CPNE8: variants seen among roughly 807,000 people sequenced by gnomAD.
CPNE8 encodes copine-8.
CPNE8 carries 45 observed loss-of-function variants against 81.5 expected under a neutral mutation model. That is an observed-to-expected ratio of 0.55 (90% confidence interval 0.44 to 0.71). The LOEUF (loss-of-function observed/expected upper bound fraction) is 0.71, where lower values mean the gene tolerates loss of function less well. CPNE8 is among the 30% of genes least tolerant of loss of function. The probability of loss-of-function intolerance (pLI) is 0.00; values close to 1 mark genes in which losing one functional copy is unlikely to be tolerated. For synonymous variants in CPNE8, 252 were observed against 226.3 expected, an observed-to-expected ratio of 1.11 and a Z score of -1.02; for missense variants, 594 against 672.1, an observed-to-expected ratio of 0.88 and a Z score of 1.28.
At chr12:38,858,635 C>T (rs1943782590) in intron 3 of CPNE8, among the ~76,000 whole-genome samples, 1 of 152,182 alleles carries the variant, frequency 6.6e-6, no homozygotes, top group Non-Finnish European at 1.5e-5. Flanking sequence ...GGTAAACTGA[C>T]ATGGCACATT....
At chr12:38,659,852 C>T (rs1365054434) in intron 19 of CPNE8, among the ~76,000 whole-genome samples, 2 of 152,162 alleles carry the variant, frequency 1.3e-5, no homozygotes, top group Non-Finnish European at 2.9e-5. Context: ...CATGAGTGAA[C>T]TCCCATTCAC....
chr12:38,863,976 T>G (rs1431007331), intron 3 of CPNE8, among the ~76,000 whole-genome samples: 1 of 149,102 alleles, frequency 6.7e-6, no homozygotes, highest in Non-Finnish European at 1.5e-5. Flanking sequence ...ATGGTGTGAA[T>G]CCGGGCGATG....
intron 6 of CPNE8, among the ~76,000 whole-genome samples, chr12:38,777,908 G>T (rs920138540): frequency 6.6e-6 from 1 of 152,110 alleles, no homozygotes; most frequent in African/African-American, 2.4e-5. Flanking sequence ...CAGATCAGCA[G>T]CAGCATTAGA....
intron 6 of CPNE8, among the ~76,000 whole-genome samples, chr12:38,795,080 G>A (rs977461986): frequency 2.6e-5 from 4 of 152,152 alleles, no homozygotes; most frequent in Non-Finnish European, 5.9e-5. Flanking sequence ...TATACCAATG[G>A]CTCTTGGGCC....
At chr12:38,840,053 T>A in intron 4 of CPNE8, 98 bp from the exon 5 acceptor site, 1 of 1,185,700 alleles carries the variant, frequency 8.4e-7, no homozygotes, top group Non-Finnish European at 1.1e-6. Context: ...TAAAAATGAA[T>A]CCAAAATAAT....
At chr12:38,895,128 G>A (rs1213463005) in intron 1 of CPNE8, among the ~76,000 whole-genome samples, 2 of 151,934 alleles carry the variant, frequency 1.3e-5, no homozygotes, top group African/African-American at 2.4e-5. Flanking sequence ...TAATTAGCAA[G>A]GTAAGAAAAA....
At chr12:38,692,781 C>G (rs1279182574) in intron 15 of CPNE8, among the ~76,000 whole-genome samples, 1 of 152,174 alleles carries the variant, frequency 6.6e-6, no homozygotes, top group Non-Finnish European at 1.5e-5. Flanking sequence ...GCCACACATT[C>G]TTTGATACTC....
intron 1 of CPNE8, among the ~76,000 whole-genome samples, chr12:38,891,200 C>T (rs990884636): frequency 1.8e-4 from 27 of 151,582 alleles, no homozygotes; most frequent in Non-Finnish European, 2.4e-4. Flanking sequence ...CAAAGTGCTG[C>T]GATTATAGGC....
chr12:38,656,151 CTG>C (rs2136629277), intron 19 of CPNE8, among the ~76,000 whole-genome samples: 1 of 151,446 alleles, frequency 6.6e-6, no homozygotes, highest in African/African-American at 2.4e-5. Flanking sequence ...AATTTTCTCT[CTG>C]AAACTATAAT....
At chr12:38,836,818 T>C (rs1943388056) in intron 5 of CPNE8, among the ~76,000 whole-genome samples, 1 of 152,212 alleles carries the variant, frequency 6.6e-6, no homozygotes, top group Non-Finnish European at 1.5e-5. Flanking sequence ...GGATGAGCTA[T>C]ATGCGTCTTT....
At chr12:38,654,974 A>T (rs1938785917) in intron 19 of CPNE8, among the ~76,000 whole-genome samples, 1 of 152,186 alleles carries the variant, frequency 6.6e-6, no homozygotes, top group African/African-American at 2.4e-5. Context: ...GGAAGCTGAA[A>T]TATTCAGTAC....
intron 4 of CPNE8, among the ~76,000 whole-genome samples, chr12:38,846,235 GT>G (rs1216358769): frequency 6.6e-6 from 1 of 152,038 alleles, no homozygotes; most frequent in Non-Finnish European, 1.5e-5. Context: ...GATCTCCAAT[GT>G]TGAAATCAAA....
At chr12:38,745,851 T>C (rs538194327) in intron 10 of CPNE8, among the ~76,000 whole-genome samples, 3 of 152,346 alleles carry the variant, frequency 2.0e-5, no homozygotes, top group Non-Finnish European at 4.4e-5. Flanking sequence ...AGGGTTTTTA[T>C]TATGCTATTC....
intron 1 of CPNE8, among the ~76,000 whole-genome samples, chr12:38,899,286 A>C (rs2137160597): frequency 6.6e-6 from 1 of 152,222 alleles, no homozygotes; most frequent in South Asian, 2.1e-4. Context: ...GCCCTTATGA[A>C]TGGGAATACT....
intron 16 of CPNE8, among the ~76,000 whole-genome samples, chr12:38,685,034 C>T (rs991209626): frequency 2.6e-5 from 4 of 152,142 alleles, no homozygotes; most frequent in African/African-American, 9.7e-5. Flanking sequence ...CTACTATATT[C>T]ATTTCAGAGA....
At chr12:38,770,255 G>A (rs1336358067) in intron 7 of CPNE8, among the ~76,000 whole-genome samples, 1 of 152,128 alleles carries the variant, frequency 6.6e-6, no homozygotes, top group East Asian at 1.9e-4. Flanking sequence ...AGCTCAGTTA[G>A]TGGCATTGTC....
At chr12:38,681,120 T>G (rs1939400764) in intron 16 of CPNE8, among the ~76,000 whole-genome samples, 2 of 152,024 alleles carry the variant, frequency 1.3e-5, no homozygotes, top group Non-Finnish European at 2.9e-5. Context: ...TATATTAGTT[T>G]ATTTTTGAAA....
intron 10 of CPNE8, among the ~76,000 whole-genome samples, chr12:38,732,080 A>C (rs1442086458): frequency 3.9e-5 from 6 of 151,904 alleles, no homozygotes; most frequent in Admixed American, 3.9e-4. Context: ...AACAGAGCTC[A>C]CCACAGCAGT....
In CPNE8 at chr12:38,831,700, A is replaced by T. The variant is rs148633557; in HGVS notation, c.331-2245T>A. ...CACTTCTTTATCAATATCAAAACAG[A>T]TTTTACAAATGTTTATGGAATTTTA... On this transcript the variant is annotated intron_variant, in intron 5 of 19. Coordinates refer to ENST00000331366, the MANE Select transcript of CPNE8 (RefSeq NM_153634.3). Among the ~76,000 whole-genome samples the T allele has an allele frequency of 7.9e-5, 12 of 152,304 alleles. No homozygotes were observed. In the East Asian group the frequency reaches 2.3e-3, roughly 29 times the overall value.
Sources: gnomAD v4.1 joint callset for allele counts (sites outside exome capture counted in the v4.1 genomes callset) on GRCh38, gnomAD v4.1.1 for gene constraint, MANE v1.5 for transcripts, NCBI Gene and HGNC (gene_info 2026-07-23, HGNC 2026-07-21) for gene names.